The following PLAA variants were observed in gnomAD, a reference collection of about 807,000 sequenced individuals.
The protein encoded by PLAA is phospholipase A-2-activating protein.
PLAA carries 48 observed loss-of-function variants against 84.1 expected under a neutral mutation model. That is an observed-to-expected ratio of 0.57 (90% CI 0.45 to 0.73). The LOEUF (loss-of-function observed/expected upper bound fraction) is 0.73, where lower values mean the gene tolerates loss of function less well. Among genes scored for constraint, PLAA ranks in the 30% least tolerant of loss-of-function variants. The pLI is 0.00. For missense variants in PLAA, 903 were observed against 954.7 expected (o/e 0.95, Z 0.71); for synonymous variants, 392 against 336.6 (o/e 1.16, Z -1.80).
At position 26,905,474 on chromosome 9, in the gene PLAA, C is replaced by G; in HGVS notation, c.*37G>C. On this transcript the variant is annotated 3_prime_UTR_variant, in exon 14 of 14. Transcript: ENST00000397292. ...CATGTCAAATGTGAGGAAAAAAACACTAATCAATTAAAAATATCCGTCCCT... is the reference window on the plus strand; with the variant it reads ...CATGTCAAATGTGAGGAAAAAAACAGTAATCAATTAAAAATATCCGTCCCT... The G allele has an allele frequency of 1.4e-6, 2 of 1,404,766 alleles. No individual in the cohort carries two copies. Among genetic ancestry groups the G allele is most frequent in the South Asian group, 2.6e-5 (2 of 75,866 alleles). 87.0% of individuals were successfully genotyped at this position (1,404,766 alleles called of 1,614,324 possible).
intron 2 of PLAA, 76 bp downstream of exon 2, chr9:26,934,937 A>T (rs995960127): frequency 1.8e-6 from 2 of 1,107,866 alleles, no homozygotes; most frequent in Admixed American, 2.5e-5. Context: ...AAAACTTGAG[A>T]AAATGGATAT....
intron 11 of PLAA, among the ~76,000 whole-genome samples, chr9:26,911,341 C>A (rs1286327525): frequency 6.6e-6 from 1 of 152,114 alleles, no homozygotes; most frequent in East Asian, 1.9e-4. Context: ...TTAGTAGAGA[C>A]AGGGTTTCAC....
intron 1 of PLAA, among the ~76,000 whole-genome samples, chr9:26,941,746 A>G (rs1825551147): frequency 1.3e-5 from 2 of 149,090 alleles, no homozygotes; most frequent in South Asian, 4.3e-4. Flanking sequence ...AACCTGCTAG[A>G]GATTACAGCC....
intron 2 of PLAA, among the ~76,000 whole-genome samples, chr9:26,929,262 G>A (rs1257660441): frequency 1.3e-5 from 2 of 152,028 alleles, no homozygotes; most frequent in Non-Finnish European, 2.9e-5. Flanking sequence ...TGTAATCCTA[G>A]CATTTTGAAC....
At chr9:26,910,963 G>C (rs1824381240) in intron 11 of PLAA, among the ~76,000 whole-genome samples, 1 of 151,992 alleles carries the variant, frequency 6.6e-6, no homozygotes, top group African/African-American at 2.4e-5. Context: ...GGATGTAGTA[G>C]GTATTATCAT....
At chr9:26,917,216 T>C (rs773734116) in intron 9 of PLAA, 51 bp from the exon 10 acceptor site, 1 of 1,439,062 alleles carries the variant, frequency 6.9e-7, no homozygotes, top group Admixed American at 1.7e-5. Flanking sequence ...GTTCTGAATT[T>C]TTCAAACAGC....
chr9:26,910,475 G>A, intron 11 of PLAA, 36 bp from the exon 12 acceptor site: 1 of 1,497,898 alleles, frequency 6.7e-7, no homozygotes, highest in Admixed American at 1.7e-5. Flanking sequence ...TAATCACAAG[G>A]AGTGATCAAA....
chr9:26,908,012 C>T lies in PLAA; in HGVS notation c.1658-14G>A. On this transcript the variant is annotated splice_polypyrimidine_tract_variant and intron_variant, in intron 12 of 13. Transcript: ENST00000397292. ...CCTTCAGTTTACCTAGAACCCAAAA[C>T]CAAACTTTCAAAATTCTCTAACTGT... is the stretch of plus-strand genomic sequence containing the variant. 1 of 1,561,594 alleles carries T rather than the reference C, an allele frequency of 6.4e-7. No individual in the cohort carries two copies. The highest frequency in any genetic ancestry group is 1.2e-5 in the South Asian group (1 of 82,504).
chr9:26,923,141 G>C, intron 7 of PLAA, 37 bp downstream of exon 7: 1 of 1,432,168 alleles, frequency 7.0e-7, no homozygotes, highest in Non-Finnish European at 9.4e-7. Flanking sequence ...AGCCAAATAT[G>C]GTGAATTTTT....
intron 10 of PLAA, among the ~76,000 whole-genome samples, chr9:26,914,851 C>T (rs1448179036): frequency 1.3e-5 from 2 of 152,140 alleles, no homozygotes; most frequent in Non-Finnish European, 2.9e-5. Context: ...TACACAGATT[C>T]CCAGAGTCCA....
chr9:26,936,109 G>C (rs146740078), intron 1 of PLAA, among the ~76,000 whole-genome samples: 1 of 152,192 alleles, frequency 6.6e-6, no homozygotes, highest in Non-Finnish European at 1.5e-5. Context: ...AAGAAGATAA[G>C]TGTACATAAA....
rs151160176 is a variant in PLAA, at chr9:26,924,630, C to T, written c.869+1195G>A. ...TTTTCAAACTTTCCATTCTTTGACT[C>T]CTCAAACACTTTTGACACTGATGAC... On this transcript the variant is annotated intron_variant, in intron 6 of 13. Coordinates refer to ENST00000397292, the MANE Select transcript of PLAA (RefSeq NM_001031689.3). Among the ~76,000 whole-genome samples, 36 of 152,296 alleles carry T rather than the reference C, an allele frequency of 2.4e-4. No individual in the cohort carries two copies. The East Asian group carries it at 6.6e-3, about 28-fold the overall frequency.
chr9:26,931,537 T>C (rs2131404645), intron 2 of PLAA, among the ~76,000 whole-genome samples: 1 of 152,022 alleles, frequency 6.6e-6, no homozygotes, highest in Non-Finnish European at 1.5e-5. Flanking sequence ...CAATAGAAAA[T>C]ACAGAATACC....
At chr9:26,908,061 G>T in intron 12 of PLAA, 63 bp from the exon 13 acceptor site, 1 of 1,275,844 alleles carries the variant, frequency 7.8e-7, no homozygotes, top group Non-Finnish European at 1.1e-6. Flanking sequence ...ATATATAAAT[G>T]CCAAGACTTT....
At chr9:26,931,639 A>G (rs1306570372) in intron 2 of PLAA, among the ~76,000 whole-genome samples, 1 of 152,210 alleles carries the variant, frequency 6.6e-6, no homozygotes, top group Non-Finnish European at 1.5e-5. Flanking sequence ...ACTGAAGAAC[A>G]CATTAAAGGA....
At chr9:26,938,501 A>T (rs1825428793) in intron 1 of PLAA, among the ~76,000 whole-genome samples, 1 of 150,426 alleles carries the variant, frequency 6.6e-6, no homozygotes, top group Non-Finnish European at 1.5e-5. Flanking sequence ...TAAGTGAGCT[A>T]TGACTGTACC....
chr9:26,942,350 G>T (rs1033492048), intron 1 of PLAA, among the ~76,000 whole-genome samples: 3 of 152,218 alleles, frequency 2.0e-5, no homozygotes, highest in African/African-American at 4.8e-5. Context: ...ATCAGAGGTA[G>T]ACAGACCAGG....
At chr9:26,943,922 C>A (rs911215933) in intron 1 of PLAA, among the ~76,000 whole-genome samples, 2 of 152,130 alleles carry the variant, frequency 1.3e-5, no homozygotes, top group Non-Finnish European at 2.9e-5. Context: ...CCATTGCATT[C>A]CAGCCTGGGC....
intron 11 of PLAA, 70 bp downstream of exon 11, chr9:26,913,809 A>T: frequency 9.1e-7 from 1 of 1,097,564 alleles, no homozygotes; most frequent in Non-Finnish European, 1.3e-6. Context: ...AAATTTTCTT[A>T]CTCTTTTTAT....
Sources: allele counts gnomAD v4.1 joint callset (sites outside exome capture counted in the v4.1 genomes callset), GRCh38; gene constraint gnomAD v4.1.1; transcripts MANE v1.5; gene names NCBI Gene and HGNC (gene_info 2026-07-23, HGNC 2026-07-21).